The following CEACAM18 variants were observed in gnomAD, a reference collection of about 807,000 sequenced individuals.
The protein encoded by CEACAM18 is cell adhesion molecule CEACAM18.
A neutral mutation model predicts 34.3 loss-of-function variants in CEACAM18; 33 were observed. The ratio of observed to expected loss-of-function variants is 0.96; its 90% CI spans 0.73 to 1.29. The LOEUF (loss-of-function observed/expected upper bound fraction) is 1.29. CEACAM18 is among the 50% of genes most tolerant of loss of function. The pLI is 0.00. For missense variants in CEACAM18, 474 were observed against 485.0 expected, an observed-to-expected ratio of 0.98 and a Z score of 0.21; for synonymous variants, 169 against 180.9, an observed-to-expected ratio of 0.93 and a Z score of 0.53.
At chr19:51,487,863 A>G (rs1030374518) in intron 5 of CEACAM18, among the ~76,000 whole-genome samples, 1 of 152,242 alleles carries the variant, frequency 6.6e-6, no homozygotes, top group Non-Finnish European at 1.5e-5. Flanking sequence ...GTCATACGTG[A>G]CTAAGTTTAA....
At chr19:51,480,492 A>T in exon 2 of CEACAM18, 1 of 1,613,918 alleles carries the variant, frequency 6.2e-7, no homozygotes, top group Non-Finnish European at 8.5e-7. Flanking sequence ...AGCGCAGGAA[A>T]CATGATTATC....
intron 1 of CEACAM18, among the ~76,000 whole-genome samples, chr19:51,479,938 C>G (rs975370964): frequency 2.0e-5 from 3 of 152,208 alleles, no homozygotes; most frequent in Non-Finnish European, 4.4e-5. Flanking sequence ...TCACAAACAC[C>G]AGCTCTGGCT....
intron 5 of CEACAM18, among the ~76,000 whole-genome samples, chr19:51,489,632 AG>A (rs1990057548): frequency 6.6e-6 from 1 of 152,172 alleles, no homozygotes; most frequent in Non-Finnish European, 1.5e-5. Flanking sequence ...TTCACCAAGG[AG>A]CCTACAATGT....
intron 3 of CEACAM18, 91 bp from the exon 4 acceptor site, chr19:51,482,926 A>T (rs1989940897): frequency 2.6e-6 from 4 of 1,511,496 alleles, no homozygotes; most frequent in Non-Finnish European, 3.6e-6. Context: ...GAGGTGCACA[A>T]TGGGGAACCT....
At chr19:51,483,462 C>T (rs1989952316) in intron 4 of CEACAM18, 166 bp downstream of exon 4, 8 of 770,704 alleles carry the variant, frequency 1.0e-5, no homozygotes, top group Non-Finnish European at 1.7e-5. Context: ...AAGCTGCCTC[C>T]TCTGTGAATC....
intron 2 of CEACAM18, 91 bp downstream of exon 2, chr19:51,480,771 G>C: frequency 8.2e-7 from 1 of 1,217,240 alleles, no homozygotes. Context: ...CATGACACCG[G>C]GAGTGGAAAT....
chr19:51,483,786 C>T (rs1354643484), intron 4 of CEACAM18, among the ~76,000 whole-genome samples: 1 of 152,214 alleles, frequency 6.6e-6, no homozygotes, highest in Non-Finnish European at 1.5e-5. Context: ...TAGAAAGACG[C>T]AGGGACGGGA....
chr19:51,480,645 A>G, exon 2 of CEACAM18: 1 of 1,613,442 alleles, frequency 6.2e-7, no homozygotes, highest in Non-Finnish European at 8.5e-7. Flanking sequence ...GCAGGCAATG[A>G]GACCCAAAGA....
downstream of CEACAM18, chr19:51,491,211 ATT>A (rs55774114): frequency 2.6e-3 from 385 of 149,174 alleles, 1 homozygote; most frequent in Middle Eastern, 6.8e-3. Context: ...CAAATATTTA[ATT>A]TTTTTTTTTT....
chr19:51,490,290 T>C (rs1990069434), intron 5 of CEACAM18, among the ~76,000 whole-genome samples: 1 of 152,180 alleles, frequency 6.6e-6, no homozygotes, highest in Non-Finnish European at 1.5e-5. Context: ...ATTGTTGTGA[T>C]CCCTCATAAT....
At chr19:51,481,314 C>A in intron 2 of CEACAM18, 79 bp from the exon 3 acceptor site, 1 of 1,470,394 alleles carries the variant, frequency 6.8e-7, no homozygotes, top group South Asian at 1.3e-5. Flanking sequence ...CCAACATGCC[C>A]AGAAGTCCCC....
chr19:51,486,223 T>A (rs1568525299), intron 5 of CEACAM18, among the ~76,000 whole-genome samples: 1 of 152,016 alleles, frequency 6.6e-6, no homozygotes, highest in Non-Finnish European at 1.5e-5. Context: ...ACAATGGTGA[T>A]GATGATGGCC....
chr19:51,486,444 G>C (rs957520037), intron 5 of CEACAM18, among the ~76,000 whole-genome samples: 2 of 152,110 alleles, frequency 1.3e-5, no homozygotes, highest in Non-Finnish European at 2.9e-5. Context: ...CATTGTGCCC[G>C]GAGGAAGCTG....
intron 2 of CEACAM18, 71 bp downstream of exon 2, chr19:51,480,751 T>G (rs7251664): frequency 0.24 from 324,577 of 1,367,162 alleles, 39,597 homozygotes; most frequent in Middle Eastern, 0.32. Flanking sequence ...GAGAAGGACA[T>G]TATACAGAGC....
intron 3 of CEACAM18, 71 bp from the exon 4 acceptor site, chr19:51,482,946 G>T (rs1989941294): frequency 1.3e-6 from 2 of 1,564,150 alleles, no homozygotes; most frequent in African/African-American, 1.3e-5. Context: ...TCCTGGCTGG[G>T]GGAGGACTTC....
chr19:51,487,555 G>A (rs972168513), intron 5 of CEACAM18, among the ~76,000 whole-genome samples: 12 of 150,934 alleles, frequency 8.0e-5, no homozygotes, highest in African/African-American at 7.3e-5. Flanking sequence ...TCATCAGGTC[G>A]GGAGTTCGAG....
chr19:51,483,217 G>A (rs368051672), exon 4 of CEACAM18: 2 of 1,613,986 alleles, frequency 1.2e-6, no homozygotes, highest in Non-Finnish European at 1.7e-6. Context: ...GGAGCAGATG[G>A]GCCGTTACCG....
intron 1 of CEACAM18, 101 bp from the exon 2 acceptor site, chr19:51,480,232 T>C: frequency 1.0e-6 from 1 of 987,124 alleles, no homozygotes; most frequent in South Asian, 1.7e-5. Context: ...CACCAGCGTC[T>C]CTGGGAATCG....
intron 5 of CEACAM18, among the ~76,000 whole-genome samples, chr19:51,485,880 C>T (rs1989991299): frequency 6.6e-6 from 1 of 152,138 alleles, no homozygotes; most frequent in African/African-American, 2.4e-5. Flanking sequence ...CCACCACCAC[C>T]CCAGTTCAGA....
Sources: gnomAD v4.1 joint callset for allele counts (sites outside exome capture counted in the v4.1 genomes callset) on GRCh38, gnomAD v4.1.1 for gene constraint, MANE v1.5 for transcripts, NCBI Gene and HGNC (gene_info 2026-07-23, HGNC 2026-07-21) for gene names.